Variants in OR9Q1 observed in about 807,000 individuals in gnomAD.
The protein encoded by OR9Q1 is olfactory receptor 9Q1.
For synonymous variants in OR9Q1, 153 were observed against 148.6 expected (o/e 1.03, Z -0.22); for missense variants, 374 against 378.8 (o/e 0.99, Z 0.11).
At chr11:58,059,199 C>T (rs905802733) in intron 2 of OR9Q1, among the ~76,000 whole-genome samples, 3 of 152,160 alleles carry the variant, frequency 2.0e-5, no homozygotes, top group African/African-American at 7.2e-5. Flanking sequence ...GCCAACATAT[C>T]TTCCAGTGGG....
chr11:58,088,730 G>A (rs1463506248), intron 2 of OR9Q1, among the ~76,000 whole-genome samples: 1 of 151,646 alleles, frequency 6.6e-6, no homozygotes, highest in African/African-American at 2.4e-5. Context: ...TCAGACTTTT[G>A]TCAGAAGGGT....
intron 2 of OR9Q1, among the ~76,000 whole-genome samples, chr11:58,107,309 G>A (rs981393100): frequency 6.6e-6 from 1 of 152,114 alleles, no homozygotes. Context: ...TCCCCACATT[G>A]TGTCCAAGTG....
At chr11:58,151,925 GA>G (rs1234230611) in intron 2 of OR9Q1, among the ~76,000 whole-genome samples, 2 of 152,138 alleles carry the variant, frequency 1.3e-5, no homozygotes, top group Non-Finnish European at 2.9e-5. Context: ...AATTGGGGTA[GA>G]AAGACACTCC....
intron 1 of OR9Q1, among the ~76,000 whole-genome samples, chr11:58,037,845 A>G (rs1565056620): frequency 7.0e-6 from 1 of 143,048 alleles, no homozygotes; most frequent in Non-Finnish European, 1.5e-5. Context: ...CAGCCTCCCG[A>G]GTAGCTGGGA....
At chr11:58,095,330 T>G (rs186228253) in intron 2 of OR9Q1, among the ~76,000 whole-genome samples, 99 of 152,368 alleles carry the variant, frequency 6.5e-4, no homozygotes, top group African/African-American at 2.3e-3. Context: ...ATAGATATTC[T>G]CTTACTGCCA....
At chr11:58,159,989 T>C (rs528050371) in intron 2 of OR9Q1, among the ~76,000 whole-genome samples, 1 of 152,344 alleles carries the variant, frequency 6.6e-6, no homozygotes, top group South Asian at 2.1e-4. Flanking sequence ...AATGATGCTC[T>C]GTGACTGCTG....
At chr11:58,171,089 A>T (rs1451322) in intron 2 of OR9Q1, 44,164 of 151,958 alleles carry the variant, frequency 0.29, 6,899 homozygotes, top group East Asian at 0.61. Flanking sequence ...TTAGAATATT[A>T]TTTGACTGAA....
At chr11:58,031,378 G>T in intron 1 of OR9Q1, 1 of 1,614,144 alleles carries the variant, frequency 6.2e-7, no homozygotes, top group Non-Finnish European at 8.5e-7. Flanking sequence ...TTGTGTCCTG[G>T]GGCACCTGCA....
At chr11:58,074,927 G>A (rs1565068985) in intron 2 of OR9Q1, among the ~76,000 whole-genome samples, 2 of 152,046 alleles carry the variant, frequency 1.3e-5, no homozygotes, top group Non-Finnish European at 2.9e-5. Context: ...GATGTGTGGT[G>A]TTATTTCTGA....
At chr11:58,162,998 T>G (rs1854470150) in intron 2 of OR9Q1, among the ~76,000 whole-genome samples, 1 of 151,742 alleles carries the variant, frequency 6.6e-6, no homozygotes, top group Admixed American at 6.6e-5. Flanking sequence ...GAGAGAAGCT[T>G]TGTTTGGAAT....
At chr11:58,158,244 T>C (rs1278326410) in intron 2 of OR9Q1, among the ~76,000 whole-genome samples, 2 of 152,186 alleles carry the variant, frequency 1.3e-5, no homozygotes, top group Admixed American at 6.5e-5. Flanking sequence ...CAAACATACA[T>C]AAGTAGTCAG....
chr11:58,179,891 C>T lies in OR9Q1; in HGVS notation c.447C>T (p.Tyr149=), dbSNP rs188586656. 73 of 1,614,178 alleles carry T rather than the reference C, an allele frequency of 4.5e-5. No individual in the cohort carries two copies. The highest frequency in any genetic ancestry group is 2.0e-4 in the Admixed American group (12 of 60,028). ...GCTTGAGTCTTGTGGCTGGGGCTTA[C>T]GTTGCTGGTCTCATCAGTGCCTTGG... is the stretch of plus-strand genomic sequence containing the variant. ...QARLSLVAGA[Y]VAGLISALVR... is the part of the protein sequence containing the mutation. Residue 149 remains tyrosine, a synonymous_variant, in exon 3 of 3, where the codon TAC becomes TAT. Transcript: ENST00000335397.
chr11:58,091,505 G>A (rs1853683981), intron 2 of OR9Q1, among the ~76,000 whole-genome samples: 1 of 152,172 alleles, frequency 6.6e-6, no homozygotes, highest in East Asian at 1.9e-4. Context: ...TGTGGTCTGA[G>A]AGACTGTTTG....
intron 2 of OR9Q1, among the ~76,000 whole-genome samples, chr11:58,165,988 T>C (rs1399474039): frequency 1.3e-5 from 2 of 152,342 alleles, no homozygotes; most frequent in East Asian, 1.9e-4. Context: ...TTCTCCGATG[T>C]CTTTCAGCTT....
chr11:58,148,335 A>T (rs1031468303), intron 2 of OR9Q1, among the ~76,000 whole-genome samples: 1 of 152,136 alleles, frequency 6.6e-6, no homozygotes, highest in African/African-American at 2.4e-5. Flanking sequence ...TACTTTTTGT[A>T]TATGGGAATG....
intron 2 of OR9Q1, among the ~76,000 whole-genome samples, chr11:58,136,015 T>C (rs961566204): frequency 2.0e-5 from 3 of 152,224 alleles, no homozygotes; most frequent in Non-Finnish European, 4.4e-5. Context: ...TAAATCCTGC[T>C]GGACTTTCTC....
At chr11:58,026,849 A>G (rs1203094827) in intron 1 of OR9Q1, 1 of 152,170 alleles carries the variant, frequency 6.6e-6, no homozygotes, top group African/African-American at 2.4e-5. Flanking sequence ...GTGAATTAAT[A>G]TACACTAGAG....
At chr11:58,120,137 A>G (rs1399216073) in intron 2 of OR9Q1, among the ~76,000 whole-genome samples, 1 of 152,198 alleles carries the variant, frequency 6.6e-6, no homozygotes, top group Non-Finnish European at 1.5e-5. Flanking sequence ...ACCCCAGCTC[A>G]GGGGCCATCA....
At position 58,085,827 on chromosome 11, in the gene OR9Q1, C is replaced by T. The variant is rs188487527; in HGVS notation, c.-15+29880C>T. ...TAAGATGGAAGAATGGATGGTCAAA[C>T]ACATGTATCCCCCACAATAACAAGA... is the stretch of plus-strand genomic sequence containing the variant. On this transcript the variant is annotated intron_variant, in intron 2 of 2. Transcript: ENST00000335397. Among the ~76,000 whole-genome samples the T allele has an allele frequency of 3.2e-4, 48 of 151,794 alleles. 1 individual carries two copies. The highest frequency in any genetic ancestry group is 5.0e-4 in the Non-Finnish European group (34 of 67,998).
Sources: allele counts gnomAD v4.1 joint callset (sites outside exome capture counted in the v4.1 genomes callset), GRCh38; gene constraint gnomAD v4.1.1; transcripts MANE v1.5; gene names NCBI Gene and HGNC (gene_info 2026-07-23, HGNC 2026-07-21).